Variants in CPQ observed in about 807,000 individuals in gnomAD.
CPQ encodes the protein Ser-Met dipeptidase.
In CPQ, 37 loss-of-function variants were observed where a neutral mutation model predicts 45.7. That is an observed-to-expected ratio of 0.81 (90% confidence interval 0.62 to 1.07). CPQ has a LOEUF of 1.07. Among genes scored for constraint, CPQ ranks in the 50% least tolerant of loss-of-function variants. The pLI, the probability that CPQ is intolerant of heterozygous loss-of-function variation, is 0.00. For synonymous variants in CPQ, 186 were observed against 205.8 expected, an observed-to-expected ratio of 0.90 and a Z score of 0.82; for missense variants, 537 against 572.9, an observed-to-expected ratio of 0.94 and a Z score of 0.64.
chr8:97,009,386 G>T (rs906545675), intron 5 of CPQ, among the ~76,000 whole-genome samples: 1 of 152,132 alleles, frequency 6.6e-6, no homozygotes, highest in Non-Finnish European at 1.5e-5. Context: ...CATCTGATTT[G>T]TCCTTATTGT....
rs1811039924 is a variant in CPQ, at chr8:96,803,887, G to T, written c.433+18557G>T. 3.9e-5 allele frequency among the ~76,000 whole-genome samples: 6 copies of T among 152,170 alleles called. 1 individual carries two copies. The highest frequency in any genetic ancestry group is 3.9e-4 in the Admixed American group (6 of 15,270). On this transcript the variant is annotated intron_variant, in intron 2 of 7. Coordinates refer to ENST00000220763, the MANE Select transcript of CPQ (RefSeq NM_016134.4). ...GTCCTGAAGATAGCACCTGCCACTTGGTAGGTGATCAGTAATTGGTTGTTG... is the reference window on the plus strand; with the variant it reads ...GTCCTGAAGATAGCACCTGCCACTTTGTAGGTGATCAGTAATTGGTTGTTG...
chr8:96,864,057 T>G (rs985141334), intron 3 of CPQ, among the ~76,000 whole-genome samples: 4 of 152,032 alleles, frequency 2.6e-5, no homozygotes, highest in African/African-American at 9.7e-5. Context: ...TACTTTTGTC[T>G]GGACACACAC....
intron 7 of CPQ, 135 bp from the exon 8 acceptor site, chr8:97,142,885 G>T: frequency 1.4e-6 from 1 of 735,934 alleles, no homozygotes. Flanking sequence ...CTTGCAGCAA[G>T]AGAGCCTGGA....
chr8:96,799,310 A>G (rs1810976505), intron 2 of CPQ, among the ~76,000 whole-genome samples: 1 of 152,214 alleles, frequency 6.6e-6, no homozygotes, highest in African/African-American at 2.4e-5. Flanking sequence ...CACATCTAGC[A>G]AAAGAAGGCT....
chr8:96,653,537 G>T (rs1386389932), intron 1 of CPQ, among the ~76,000 whole-genome samples: 1 of 152,060 alleles, frequency 6.6e-6, no homozygotes, highest in Admixed American at 6.6e-5. Context: ...GATTCCCCCA[G>T]AACTTAACTA....
chr8:96,806,759 A>G (rs1586408326), intron 2 of CPQ, among the ~76,000 whole-genome samples: 1 of 152,232 alleles, frequency 6.6e-6, no homozygotes, highest in Admixed American at 6.5e-5. Context: ...TACTGTATTT[A>G]GATAACAAGT....
chr8:96,864,713 T>G (rs1336794266), intron 3 of CPQ, among the ~76,000 whole-genome samples: 4 of 152,094 alleles, frequency 2.6e-5, no homozygotes, highest in African/African-American at 9.7e-5. Flanking sequence ...AATAAATATC[T>G]TTATTTCAGT....
chr8:96,958,499 G>T (rs1250969580), intron 4 of CPQ, among the ~76,000 whole-genome samples: 1 of 152,086 alleles, frequency 6.6e-6, no homozygotes, highest in Non-Finnish European at 1.5e-5. Context: ...ATGCAACCCA[G>T]TTGCCTCCAT....
intron 4 of CPQ, among the ~76,000 whole-genome samples, chr8:96,907,201 T>G (rs1011550256): frequency 6.6e-6 from 1 of 152,178 alleles, no homozygotes; most frequent in South Asian, 2.1e-4. Context: ...AATCCTGGTA[T>G]GAGTAGTCAT....
intron 3 of CPQ, among the ~76,000 whole-genome samples, chr8:96,876,267 A>G (rs1339755341): frequency 1.3e-5 from 2 of 151,972 alleles, no homozygotes. Context: ...CTTTCTAGAA[A>G]TTTGGCTTTG....
chr8:96,688,689 T>C (rs757979135), intron 1 of CPQ, among the ~76,000 whole-genome samples: 9 of 152,308 alleles, frequency 5.9e-5, no homozygotes, highest in South Asian at 2.1e-4. Flanking sequence ...TTTCTTCATG[T>C]ATGCCTCTTT....
chr8:96,895,520 G>T (rs1292355280), intron 4 of CPQ, among the ~76,000 whole-genome samples: 1 of 152,110 alleles, frequency 6.6e-6, no homozygotes, highest in Admixed American at 6.6e-5. Flanking sequence ...GAATCTTTCA[G>T]GAAAAATGAT....
chr8:96,892,024 CTTTT>C (rs985748018), intron 4 of CPQ, among the ~76,000 whole-genome samples: 1 of 151,980 alleles, frequency 6.6e-6, no homozygotes, highest in Non-Finnish European at 1.5e-5. Context: ...TAGTGTTACT[CTTTT>C]TTTTAAGAAA....
At chr8:97,128,104 A>ATTCTATTCTAT (rs1208344975) in intron 7 of CPQ, among the ~76,000 whole-genome samples, 16 of 152,244 alleles carry the variant, frequency 1.1e-4, no homozygotes, top group East Asian at 7.7e-4. Flanking sequence ...CATAAAAAGA[A>ATTCTATTCTAT]GCAGCTATTT....
At chr8:96,903,958 A>G (rs554650401) in intron 4 of CPQ, among the ~76,000 whole-genome samples, 7 of 152,258 alleles carry the variant, frequency 4.6e-5, no homozygotes, top group African/African-American at 1.7e-4. Context: ...ACTCTTTCCT[A>G]GGTGCCACAC....
At chr8:96,675,832 A>T (rs1809070443) in intron 1 of CPQ, among the ~76,000 whole-genome samples, 1 of 151,980 alleles carries the variant, frequency 6.6e-6, no homozygotes, top group South Asian at 2.1e-4. Flanking sequence ...AACTGTTTAT[A>T]TATTTTCTTG....
intron 5 of CPQ, among the ~76,000 whole-genome samples, chr8:97,025,860 A>G (rs748923550): frequency 6.6e-6 from 1 of 152,202 alleles, no homozygotes; most frequent in Non-Finnish European, 1.5e-5. Context: ...CCTTACATCA[A>G]TTGTCTTCAG....
rs188314878 is a variant in CPQ, at chr8:96,734,953, T to C, written c.-34-49911T>C. Among the ~76,000 whole-genome samples, 9 of 152,182 alleles carry C rather than the reference T, an allele frequency of 5.9e-5. No individual in the cohort carries two copies. In the East Asian group the frequency reaches 1.6e-3, roughly 26 times the overall value. On this transcript the variant is annotated intron_variant, in intron 1 of 7. Coordinates refer to ENST00000220763, the MANE Select transcript of CPQ (RefSeq NM_016134.4). ...TCTTACTTTTATCTGCAGTGCTTGT[T>C]TGCATGCTCTCTCTCTTTCTCTCTC... is the stretch of plus-strand genomic sequence containing the variant.
chr8:96,760,511 G>T (rs1810386742), intron 1 of CPQ, among the ~76,000 whole-genome samples: 1 of 152,136 alleles, frequency 6.6e-6, no homozygotes, highest in African/African-American at 2.4e-5. Flanking sequence ...AAGGGCTAAT[G>T]TTGATGTTTT....
Sources: gnomAD v4.1 joint callset for allele counts (sites outside exome capture counted in the v4.1 genomes callset) on GRCh38, gnomAD v4.1.1 for gene constraint, MANE v1.5 for transcripts, NCBI Gene and HGNC (gene_info 2026-07-23, HGNC 2026-07-21) for gene names.